REST: variants seen among roughly 807,000 people sequenced by gnomAD.
The protein encoded by REST is RE1 silencing transcription factor.
Under a neutral mutation model 30.4 loss-of-function variants are expected in REST, and 1 was observed. The ratio of observed to expected loss-of-function variants is 0.03; its 90% CI spans 0.01 to 0.16. The LOEUF is 0.16. Ranked by LOEUF, REST falls within the 10% of genes least tolerant of loss-of-function variation. The pLI is 1.00. For synonymous variants in REST, 504 were observed against 451.1 expected (o/e 1.12, Z -1.49); for missense variants, 1,259 against 1,329.5 (o/e 0.95, Z 0.82).
rs922903250 is a variant in REST, at chr4:56,932,142, G to A, written c.3284G>A (p.Gly1095Glu). Residue 1095 changes from glycine to glutamate, a missense_variant, in exon 4 of 4, where the codon GGG (glycine) becomes GAG (glutamate). Around this residue, in one of 5 missense-constraint regions of REST, gnomAD observed 25 missense variants for 33.2 expected, o/e 0.75. Transcript: ENST00000309042. ...NVYYLEEAAQ[G>E]QE ...TACTATCTTGAAGAAGCAGCTCAAG[G>A]GCAGGAGTAATGAAACTTTGAACAA... The A allele has an allele frequency of 1.9e-6, 3 of 1,600,054 alleles. No individual in the cohort carries two copies. Among genetic ancestry groups the A allele is most frequent in the African/African-American group, 2.7e-5 (2 of 74,224 alleles).
chr4:56,914,379 A>T (rs529133708), intron 2 of REST, among the ~76,000 whole-genome samples: 2 of 152,218 alleles, frequency 1.3e-5, no homozygotes, highest in Non-Finnish European at 2.9e-5. Flanking sequence ...CAGCAGATGG[A>T]TGGCTCATGT....
intron 2 of REST, among the ~76,000 whole-genome samples, chr4:56,913,102 T>C (rs1207876234): frequency 6.6e-6 from 1 of 152,174 alleles, no homozygotes; most frequent in East Asian, 1.9e-4. Flanking sequence ...ATACTAGTCA[T>C]TCACTTTTAA....
intron 2 of REST, among the ~76,000 whole-genome samples, chr4:56,918,865 C>G (rs1720320355): frequency 6.6e-6 from 1 of 151,862 alleles, no homozygotes; most frequent in Non-Finnish European, 1.5e-5. Flanking sequence ...GAGAGGAGGT[C>G]TTGCTATGTT....
At position 56,931,293 on chromosome 4, in the gene REST, A is replaced by G. The variant is rs1388447579; in HGVS notation, c.2435A>G (p.Lys812Arg). The G allele has an allele frequency of 1.9e-6, 3 of 1,614,254 alleles. No homozygotes were observed. Among genetic ancestry groups the G allele is most frequent in the Non-Finnish European group, 2.5e-6 (3 of 1,180,056 alleles). ...EPPLHMEPIS[K>R]KPPLRKDKKE... ...CCCCTTCACATGGAGCCAATTTCCA[A>G]AAAGCCTCCTCTCCGAAAAGATAAA... Residue 812 changes from lysine to arginine, a missense_variant, in exon 4 of 4, where the codon AAA becomes AGA. Transcript: ENST00000309042.
chr4:56,913,883 C>T (rs529169528), intron 2 of REST, among the ~76,000 whole-genome samples: 5 of 152,124 alleles, frequency 3.3e-5, no homozygotes, highest in Admixed American at 6.5e-5. Flanking sequence ...CTCCTGACCT[C>T]GTGATCTGCC....
intron 3 of REST, among the ~76,000 whole-genome samples, chr4:56,923,408 C>T (rs1720540350): frequency 6.6e-6 from 1 of 152,192 alleles, no homozygotes; most frequent in Admixed American, 6.5e-5. Flanking sequence ...GCTAGGTCTA[C>T]TGGCACATGC....
Position 56,932,864 on chromosome 4 carries a change from T to C in REST, c.*712T>C, listed in dbSNP as rs1721023685. 1 of 152,208 alleles carries C rather than the reference T, an allele frequency of 6.6e-6. No individual in the cohort carries two copies. Among genetic ancestry groups the C allele is most frequent in the Admixed American group, 6.5e-5 (1 of 15,276 alleles). The allele number at this position is 152,208 out of a possible 1,614,324, so 9.4% of individuals were successfully genotyped here. ...TAGAAATAGCATTTGTGTTGAACAG[T>C]AACACTTTATACATATATATATGCA... On this transcript the variant is annotated 3_prime_UTR_variant, in exon 4 of 4. Transcript: ENST00000309042.
At chr4:56,926,834 C>A (rs1040958820) in intron 3 of REST, among the ~76,000 whole-genome samples, 3 of 151,878 alleles carry the variant, frequency 2.0e-5, no homozygotes, top group Non-Finnish European at 4.4e-5. Flanking sequence ...CGGTGGCTCA[C>A]GCCTGTAATC....
In REST at chr4:56,910,925, C is replaced by A. The variant is rs941391615; in HGVS notation, c.287C>A (p.Ser96Tyr). 6.2e-7 allele frequency: 1 copy of A among 1,614,030 alleles called. No homozygotes were observed. Among genetic ancestry groups the A allele is most frequent in the African/African-American group, 1.3e-5 (1 of 74,908 alleles). ...GAAGAAGGAGAAGGACTTGAAGAGT[C>A]TGCTGATATAAAAGGTGAACCTCAT... ...DSEEGEGLEESADIKGEPHGL... is the reference protein window; with the variant it reads ...DSEEGEGLEEYADIKGEPHGL... Residue 96 changes from serine (S) to tyrosine (Y), a missense_variant, in exon 2 of 4, where the codon TCT (serine) becomes TAT (tyrosine). Transcript: ENST00000309042.
At chr4:56,927,630 A>G in intron 3 of REST, 1 of 1,212,724 alleles carries the variant, frequency 8.2e-7, no homozygotes, top group Non-Finnish European at 1.1e-6. Flanking sequence ...TATGGATACC[A>G]TTTGGTAATA....
chr4:56,912,619 G>C (rs1409984887), intron 2 of REST, among the ~76,000 whole-genome samples: 1 of 151,982 alleles, frequency 6.6e-6, no homozygotes, highest in African/African-American at 2.4e-5. Context: ...GGTTCAAGCA[G>C]TTCTCCTGCC....
At chr4:56,912,588 C>T (rs1434558548) in intron 2 of REST, among the ~76,000 whole-genome samples, 1 of 151,802 alleles carries the variant, frequency 6.6e-6, no homozygotes, top group African/African-American at 2.4e-5. Flanking sequence ...GGTCTTGGCT[C>T]ACTGCAACCT....
chr4:56,910,149 G>C (rs1033698874), intron 1 of REST, among the ~76,000 whole-genome samples: 4 of 152,162 alleles, frequency 2.6e-5, no homozygotes. Flanking sequence ...GTACTTTCCA[G>C]ATGTGTTTGT....
chr4:56,914,634 C>G (rs2109533088), intron 2 of REST, among the ~76,000 whole-genome samples: 1 of 152,256 alleles, frequency 6.6e-6, no homozygotes, highest in Admixed American at 6.5e-5. Flanking sequence ...ATCTTAAATC[C>G]CAGCCATCAT....
At position 56,933,939 on chromosome 4, in the gene REST, G is replaced by T. The variant is rs974757569; in HGVS notation, c.*1787G>T. On this transcript the variant is annotated 3_prime_UTR_variant, in exon 4 of 4. Transcript: ENST00000309042. The stretch of plus-strand genomic sequence containing the variant: ...AAAGATTAGGAAAAGCATTAATAAC[G>T]TGTGGGTGGAAAGCTTGTTAAAAAT... 2 of 152,196 alleles carry T rather than the reference G, an allele frequency of 1.3e-5. No individual in the cohort carries two copies. Among genetic ancestry groups the T allele is most frequent in the Non-Finnish European group, 1.5e-5 (1 of 68,040 alleles). The allele number at this position is 152,196 out of a possible 1,614,324, so 9.4% of individuals were successfully genotyped here.
chr4:56,919,667 T>C (rs555453919), intron 2 of REST, 120 bp from the exon 3 acceptor site: 2 of 484,142 alleles, frequency 4.1e-6, no homozygotes, highest in South Asian at 6.2e-5. Flanking sequence ...TTGCCAGAAA[T>C]AGGAAAAAAA....
At chr4:56,916,063 T>A (rs1720181831) in intron 2 of REST, among the ~76,000 whole-genome samples, 1 of 144,994 alleles carries the variant, frequency 6.9e-6, no homozygotes, top group African/African-American at 2.5e-5. Flanking sequence ...ATTGTGCAAC[T>A]GCACTCCAGC....
intron 3 of REST, among the ~76,000 whole-genome samples, chr4:56,925,069 A>G (rs1209913879): frequency 6.6e-6 from 1 of 151,354 alleles, no homozygotes; most frequent in Non-Finnish European, 1.5e-5. Context: ...GGAGGCTGAG[A>G]CAGGAGAATC....
chr4:56,933,970 A>G lies in REST; in HGVS notation c.*1818A>G, dbSNP rs1321897103. ...GTGGAAAGCTTGTTAAAAATCTGAGAGTGAAGTTTGAGTTAAAAGTTGTTT... is the reference window on the plus strand; with the variant it reads ...GTGGAAAGCTTGTTAAAAATCTGAGGGTGAAGTTTGAGTTAAAAGTTGTTT... On this transcript the variant is annotated 3_prime_UTR_variant, in exon 4 of 4. Coordinates refer to ENST00000309042, the MANE Select transcript of REST (RefSeq NM_005612.5). 6.6e-6 allele frequency: 1 copy of G among 152,180 alleles called. No homozygotes were observed. Among genetic ancestry groups the G allele is most frequent in the Non-Finnish European group, 1.5e-5 (1 of 68,026 alleles). The allele number at this position is 152,180 out of a possible 1,614,324, so 9.4% of individuals were successfully genotyped here. A position where few individuals can be genotyped will look rare whatever the true frequency, so the allele number is the denominator to read the frequency against.
Sources: allele counts gnomAD v4.1 joint callset (sites outside exome capture counted in the v4.1 genomes callset), GRCh38; gene constraint gnomAD v4.1.1; regional missense constraint gnomAD v4.1.1; transcripts MANE v1.5; gene names NCBI Gene and HGNC (gene_info 2026-07-23, HGNC 2026-07-21).